Variants in DNAH17 observed in about 807,000 individuals in gnomAD.
The protein encoded by DNAH17 is dynein axonemal heavy chain 17.
A neutral mutation model predicts 485.6 loss-of-function variants in DNAH17; 376 were observed. The ratio of observed to expected loss-of-function variants is 0.77; its 90% CI spans 0.71 to 0.84. The LOEUF (loss-of-function observed/expected upper bound fraction) is 0.84, where lower values mean the gene tolerates loss of function less well. Among genes scored for constraint, DNAH17 ranks in the 40% least tolerant of loss-of-function variants. The pLI is 0.00. For missense variants in DNAH17, 6,370 were observed against 5,839.3 expected (o/e 1.09, Z -2.96); for synonymous variants, 3,031 against 2,405.9 (o/e 1.26, Z -7.60).
intron 41 of DNAH17, 25 bp downstream of exon 41, chr17:78,494,000 CGGATCCCTGCA>C (rs1568148893): frequency 6.3e-7 from 1 of 1,594,758 alleles, no homozygotes; most frequent in South Asian, 1.1e-5. Context: ...CCCACCATGC[CGGATCCCTGCA>C]AGGTCCCTGG....
At chr17:78,542,632 C>T (rs755660137) in intron 17 of DNAH17, among the ~76,000 whole-genome samples, 1 of 152,226 alleles carries the variant, frequency 6.6e-6, no homozygotes, top group Non-Finnish European at 1.5e-5. Flanking sequence ...TGCCAGTCTA[C>T]TGTTCTGCAT....
In DNAH17 at chr17:78,429,252, C is replaced by T. The variant is rs762567124; in HGVS notation, c.12274G>A (p.Gly4092Ser). The T allele has an allele frequency of 1.1e-5, 17 of 1,613,942 alleles. No individual in the cohort carries two copies. Among genetic ancestry groups the T allele is most frequent in the South Asian group, 3.3e-5 (3 of 91,082 alleles). Reference sequence around the variant, plus strand: ...CGGTCCCAGTCATCTGTGATGTGGCCGCCATACATGATTTCACCAAAAAGG... The same window carrying T: ...CGGTCCCAGTCATCTGTGATGTGGCTGCCATACATGATTTCACCAAAAAGG... The part of the protein sequence containing the change: ...RYLFGEIMYG[G>S]HITDDWDRRL... The change falls in exon 76 of 81, where the codon GGC becomes AGC. Residue 4092 changes from glycine to serine, a missense_variant. By Grantham distance (56) the Gly-to-Ser change is moderately conservative (BLOSUM62 0). Coordinates refer to ENST00000389840, the MANE Select transcript of DNAH17 (RefSeq NM_173628.4).
At chr17:78,518,083 G>A (rs914627084) in intron 25 of DNAH17, among the ~76,000 whole-genome samples, 4 of 152,116 alleles carry the variant, frequency 2.6e-5, no homozygotes, top group Non-Finnish European at 5.9e-5. Flanking sequence ...GAGAGTCAGA[G>A]GAATAAGAAA....
rs945478462 is a variant in DNAH17, at chr17:78,445,540, C to T, written c.11334+18G>A. The T allele has an allele frequency of 4.5e-6, 7 of 1,558,788 alleles. No individual in the cohort carries two copies. In the African/African-American group the frequency reaches 5.4e-5, roughly 12 times the overall value. ...CGGCGGGGAGAAAGCACAACGTGTT[C>T]AACGTCTAAAGACGAACCTTGATCC... On this transcript the variant is annotated intron_variant, in intron 70 of 80. Transcript: ENST00000389840.
chr17:78,446,405 A>C (rs2087302002), intron 69 of DNAH17, among the ~76,000 whole-genome samples: 1 of 151,862 alleles, frequency 6.6e-6, no homozygotes, highest in African/African-American at 2.4e-5. Flanking sequence ...GCTTTGTATA[A>C]ATGGAAGCAC....
chr17:78,499,990 A>T (rs867898298), intron 36 of DNAH17: 3 of 275,086 alleles, frequency 1.1e-5, no homozygotes. Flanking sequence ...CTGAACCATG[A>T]GGGAGGTGCT....
intron 16 of DNAH17, 149 bp from the exon 17 acceptor site, chr17:78,544,146 G>T (rs1159144840): frequency 6.3e-5 from 74 of 1,167,980 alleles, no homozygotes; most frequent in Non-Finnish European, 8.0e-5. Flanking sequence ...GCCCATCAGG[G>T]GCTACTAAGG....
At chr17:78,473,770 A>T (rs1248713419) in intron 54 of DNAH17, among the ~76,000 whole-genome samples, 12 of 152,184 alleles carry the variant, frequency 7.9e-5, no homozygotes, top group African/African-American at 2.9e-4. Context: ...CGATGCCGTC[A>T]TGAACGTAAA....
intron 69 of DNAH17, among the ~76,000 whole-genome samples, chr17:78,446,172 T>TC (rs1568061890): frequency 2.0e-3 from 8 of 3,966 alleles, no homozygotes; most frequent in African/African-American, 3.7e-3. Context: ...AGACTCTGTC[T>TC]CAAAAAAAAA....
At chr17:78,439,285 T>C (rs1221328723) in intron 72 of DNAH17, 68 bp from the exon 73 acceptor site, 1 of 1,504,596 alleles carries the variant, frequency 6.6e-7, no homozygotes, top group African/African-American at 1.4e-5. Context: ...CTCTGTGATC[T>C]ACAGCCAGGA....
At chr17:78,542,465 G>A (rs976319995) in intron 17 of DNAH17, among the ~76,000 whole-genome samples, 1 of 152,100 alleles carries the variant, frequency 6.6e-6, no homozygotes, top group African/African-American at 2.4e-5. Flanking sequence ...GAGCTCAAGG[G>A]AGAATATTCT....
chr17:78,486,292 C>A lies in DNAH17; in HGVS notation c.7033G>T (p.Glu2345Ter), dbSNP rs1242936288. 1 of 1,612,166 alleles carries A rather than the reference C, an allele frequency of 6.2e-7. No individual in the cohort carries two copies. Among genetic ancestry groups the A allele is most frequent in the African/African-American group, 1.3e-5 (1 of 74,876 alleles). The change falls in exon 45 of 81, where the codon GAG becomes TAG. Residue 2345 changes from glutamate (E) to a stop codon, truncating the protein, a stop_gained. Coordinates refer to ENST00000389840, the MANE Select transcript of DNAH17 (RefSeq NM_173628.4). LOFTEE classifies it high-confidence loss of function. Reference sequence around the variant, plus strand: ...AACACGAAGTACAGCTCGTACAGCTCCCTGGGGGAGTCGGGGGGCACGGTC... The same window carrying A: ...AACACGAAGTACAGCTCGTACAGCTACCTGGGGGAGTCGGGGGGCACGGTC... ...EKTVPPDSPRELYELYFVFTC... is the reference protein window; with the variant it reads ...EKTVPPDSPR
At chr17:78,472,234 G>A (rs2088785400) in intron 54 of DNAH17, among the ~76,000 whole-genome samples, 1 of 151,250 alleles carries the variant, frequency 6.6e-6, no homozygotes, top group South Asian at 2.1e-4. Context: ...AGACATTAGG[G>A]TTATGGAGTA....
Position 78,571,327 on chromosome 17 carries a change from T to G in DNAH17, c.784A>C (p.Ser262Arg), listed in dbSNP as rs778617640. The change falls in exon 5 of 81, where the codon AGC becomes CGC. Residue 262 changes from serine (S) to arginine (R), a missense_variant. By Grantham distance (110) the Ser-to-Arg change is moderately radical. Coordinates refer to ENST00000389840, the MANE Select transcript of DNAH17 (RefSeq NM_173628.4). ...TTTTGCAGGGCTGGCCAGTAGCAGC[T>G]TTTGGCTTTCTCTAGGATCTCAACA... ...KIVEILEKAKSCYWPALQNVY... is the reference protein window; with the variant it reads ...KIVEILEKAKRCYWPALQNVY... 6.2e-7 allele frequency: 1 copy of G among 1,613,944 alleles called. No individual in the cohort carries two copies. Among genetic ancestry groups the G allele is most frequent in the Non-Finnish European group, 8.5e-7 (1 of 1,179,856 alleles).
chr17:78,576,749 A>G (rs1186519884), intron 1 of DNAH17, among the ~76,000 whole-genome samples: 1 of 152,212 alleles, frequency 6.6e-6, no homozygotes, highest in Non-Finnish European at 1.5e-5. Context: ...GCTTTCACAA[A>G]GTCATCTTTT....
chr17:78,533,188 C>T (rs16971511), intron 19 of DNAH17: 55,691 of 184,864 alleles, frequency 0.3, 9,240 homozygotes, highest in East Asian at 0.48. Context: ...TTCGATAGCT[C>T]GCTCTCACTG....
intron 66 of DNAH17, 73 bp from the exon 67 acceptor site, chr17:78,450,919 G>T: frequency 6.4e-7 from 1 of 1,567,452 alleles, no homozygotes. Flanking sequence ...CCCTCAGGTG[G>T]CCATGTAGCT....
chr17:78,425,927 A>G (rs1464079387), intron 79 of DNAH17, among the ~76,000 whole-genome samples: 1 of 151,942 alleles, frequency 6.6e-6, no homozygotes, highest in Non-Finnish European at 1.5e-5. Flanking sequence ...CACCATGCCC[A>G]GCTTATTTTT....
intron 38 of DNAH17, 96 bp from the exon 39 acceptor site, chr17:78,495,193 T>G: frequency 2.1e-6 from 3 of 1,419,936 alleles, no homozygotes; most frequent in Non-Finnish European, 1.9e-6. Context: ...ACACCTCGAC[T>G]GCCAGGTAGA....
Sources: gnomAD v4.1 joint callset for allele counts (sites outside exome capture counted in the v4.1 genomes callset) on GRCh38, gnomAD v4.1.1 for gene constraint, MANE v1.5 for transcripts, NCBI Gene and HGNC (gene_info 2026-07-23, HGNC 2026-07-21) for gene names.